SGCD: variants seen among roughly 807,000 people sequenced by gnomAD.
SGCD encodes delta-sarcoglycan.
In SGCD, 18 loss-of-function variants were observed where a neutral mutation model predicts 36.6. The observed-to-expected ratio is 0.49, with a 90% CI of 0.34 to 0.73. The LOEUF is 0.73. Ranked by LOEUF, SGCD falls within the 30% of genes least tolerant of loss-of-function variation. The probability of loss-of-function intolerance (pLI) is 0.01; values close to 1 mark genes in which losing one functional copy is unlikely to be tolerated. For synonymous variants in SGCD, 133 were observed against 130.6 expected, an observed-to-expected ratio of 1.02 and a Z score of -0.12; for missense variants, 387 against 346.7, an observed-to-expected ratio of 1.12 and a Z score of -0.92.
intron 4 of SGCD, among the ~76,000 whole-genome samples, chr5:156,584,835 G>A (rs1332965425): frequency 6.6e-6 from 1 of 152,130 alleles, no homozygotes; most frequent in Non-Finnish European, 1.5e-5. Context: ...TTTGAAAACT[G>A]ACAGTTACTG....
At chr5:156,673,957 G>C (rs535359712) in intron 7 of SGCD, among the ~76,000 whole-genome samples, 1 of 152,188 alleles carries the variant, frequency 6.6e-6, no homozygotes, top group Non-Finnish European at 1.5e-5. Context: ...CTGTCTATTA[G>C]TGTATGGTTC....
At chr5:156,597,467 C>A (rs1201620044) in intron 6 of SGCD, among the ~76,000 whole-genome samples, 1 of 152,194 alleles carries the variant, frequency 6.6e-6, no homozygotes, top group African/African-American at 2.4e-5. Flanking sequence ...AGGAAAACTG[C>A]CCTTTATGCA....
At chr5:156,135,311 A>G (rs757180517) in intron 3 of SGCD, among the ~76,000 whole-genome samples, 1 of 152,044 alleles carries the variant, frequency 6.6e-6, no homozygotes, top group Non-Finnish European at 1.5e-5. Context: ...CCTACCCACT[A>G]TATCCATTCT....
At chr5:156,422,437 T>C (rs1171348991) in intron 3 of SGCD, among the ~76,000 whole-genome samples, 9 of 152,062 alleles carry the variant, frequency 5.9e-5, no homozygotes, top group African/African-American at 1.4e-4. Context: ...TTTTGCTTTT[T>C]CCACTTCCCA....
At chr5:156,465,823 G>T (rs953621795) in intron 3 of SGCD, among the ~76,000 whole-genome samples, 16 of 152,202 alleles carry the variant, frequency 1.1e-4, no homozygotes, top group Non-Finnish European at 2.9e-5. Context: ...TGGGACCCTT[G>T]AGGTGATGTC....
chr5:156,079,018 T>TAAAAA (rs575699645), intron 1 of SGCD, among the ~76,000 whole-genome samples: 4 of 102,484 alleles, frequency 3.9e-5, no homozygotes, highest in Non-Finnish European at 6.2e-5. Context: ...GGGTAATTTG[T>TAAAAA]AAAAAAAAAA....
At position 156,623,422 on chromosome 5, in the gene SGCD, T is replaced by C. The variant is rs1487764562; in HGVS notation, c.503-24042T>C. ...CAGTGTTTTAATTCAAAACGAGATT[T>C]CAGAAAAAGAGTCGTGCAGCCTGCT... On this transcript the variant is annotated intron_variant, in intron 6 of 8. Transcript: ENST00000337851. Among the ~76,000 whole-genome samples, 5 of 152,304 alleles carry C rather than the reference T, an allele frequency of 3.3e-5. No homozygotes were observed. The East Asian group carries it at 9.6e-4, about 29-fold the overall frequency.
intron 4 of SGCD, among the ~76,000 whole-genome samples, chr5:156,523,256 G>A (rs1251134635): frequency 7.9e-5 from 12 of 152,098 alleles, no homozygotes; most frequent in Non-Finnish European, 1.8e-4. Flanking sequence ...TTAATGATAT[G>A]TTTAGTGTGA....
intron 6 of SGCD, among the ~76,000 whole-genome samples, chr5:156,614,760 C>A (rs765506999): frequency 6.6e-6 from 1 of 152,178 alleles, no homozygotes; most frequent in Non-Finnish European, 1.5e-5. Flanking sequence ...AAATTCCCAG[C>A]AGCCTGTACT....
intron 3 of SGCD, among the ~76,000 whole-genome samples, chr5:156,471,512 C>T (rs1473667797): frequency 6.6e-6 from 1 of 151,950 alleles, no homozygotes; most frequent in Non-Finnish European, 1.5e-5. Flanking sequence ...ACACACATAC[C>T]GTCAATTGAT....
chr5:156,699,506 A>G (rs1294371416), intron 7 of SGCD, among the ~76,000 whole-genome samples: 2 of 152,142 alleles, frequency 1.3e-5, no homozygotes, highest in East Asian at 3.8e-4. Context: ...AAAGCTTGAA[A>G]TTACCTAGCC....
rs1761211097 is a variant in SGCD at position 156,090,388 on chromosome 5, G to T, written c.-281-27490G>T. ...GAATTTTACAGCTGGGCCTCCAGGGGTGCCATTACATATTGGTAGGACTGT... is the reference window on the plus strand; with the variant it reads ...GAATTTTACAGCTGGGCCTCCAGGGTTGCCATTACATATTGGTAGGACTGT... On this transcript the variant is annotated intron_variant, in intron 1 of 9. Transcript: ENST00000517913. 3.3e-5 allele frequency among the ~76,000 whole-genome samples: 5 copies of T among 152,270 alleles called. No homozygotes were observed. In the South Asian group the frequency reaches 1.0e-3, roughly 32 times the overall value.
chr5:156,073,074 G>C (rs567934941), intron 1 of SGCD, among the ~76,000 whole-genome samples: 4 of 152,144 alleles, frequency 2.6e-5, no homozygotes, highest in South Asian at 2.1e-4. Context: ...CCTTTGGTTT[G>C]AATTTCCTCC....
Position 156,070,497 on chromosome 5 carries a change from G to T in SGCD, c.-281-47381G>T, listed in dbSNP as rs1226574919. On this transcript the variant is annotated intron_variant, in intron 1 of 9. Transcript: ENST00000517913. ...GGATGAAGCCCACTTGATCATGACTGATAAGCTTTTTGATGTGCTGCTGGA... is the reference window on the plus strand; with the variant it reads ...GGATGAAGCCCACTTGATCATGACTTATAAGCTTTTTGATGTGCTGCTGGA... 6.0e-5 allele frequency among the ~76,000 whole-genome samples: 9 copies of T among 149,658 alleles called. 1 individual carries two copies. The highest frequency in any genetic ancestry group is 1.5e-4 in the African/African-American group (6 of 39,020).
intron 3 of SGCD, among the ~76,000 whole-genome samples, chr5:156,489,027 G>GA (rs1755824326): frequency 6.6e-6 from 1 of 152,014 alleles, no homozygotes; most frequent in African/African-American, 2.4e-5. Context: ...TGAAGGAATG[G>GA]AAAAAGGGAT....
chr5:156,164,750 A>G (rs1763172640), intron 3 of SGCD, among the ~76,000 whole-genome samples: 3 of 152,256 alleles, frequency 2.0e-5, no homozygotes. Context: ...ACACTGGCAT[A>G]TATGAGTACA....
At chr5:156,327,645 T>G (rs966847747) in intron 1 of SGCD, among the ~76,000 whole-genome samples, 3 of 152,208 alleles carry the variant, frequency 2.0e-5, no homozygotes, top group African/African-American at 7.2e-5. Context: ...TGGGGAGTTT[T>G]TTGTTGTTGT....
chr5:156,679,421 A>G, intron 7 of SGCD, among the ~76,000 whole-genome samples: 1 of 152,200 alleles, frequency 6.6e-6, no homozygotes, highest in East Asian at 1.9e-4. Context: ...AAATTCTGAG[A>G]AATGCACAGA....
chr5:156,268,397 C>T (rs964878279), intron 3 of SGCD, among the ~76,000 whole-genome samples: 1 of 152,158 alleles, frequency 6.6e-6, no homozygotes, highest in African/African-American at 2.4e-5. Flanking sequence ...ATTGGCTTTA[C>T]ACAATGGTTG....
Sources: allele counts gnomAD v4.1 joint callset (sites outside exome capture counted in the v4.1 genomes callset), GRCh38; gene constraint gnomAD v4.1.1; transcripts MANE v1.5; gene names NCBI Gene and HGNC (gene_info 2026-07-23, HGNC 2026-07-21).